Variants in FRMD3 observed in about 807,000 individuals in gnomAD.
FRMD3 encodes the protein FERM domain-containing protein 3.
A neutral mutation model predicts 70.2 loss-of-function variants in FRMD3; 33 were observed. The ratio of observed to expected loss-of-function variants is 0.47; its 90% CI spans 0.36 to 0.63. The LOEUF (loss-of-function observed/expected upper bound fraction) is 0.63. FRMD3 is among the 20% of genes least tolerant of loss of function. FRMD3 has a pLI of 0.00. For missense variants in FRMD3, 632 were observed against 711.4 expected, an observed-to-expected ratio of 0.89 and a Z score of 1.27; for synonymous variants, 279 against 255.9, an observed-to-expected ratio of 1.09 and a Z score of -0.86.
At chr9:83,389,376 T>C (rs1338317490) in intron 2 of FRMD3, among the ~76,000 whole-genome samples, 2 of 152,180 alleles carry the variant, frequency 1.3e-5, no homozygotes, top group Non-Finnish European at 2.9e-5. Context: ...TTCTCTCTTC[T>C]AAGCAGATGG....
intron 6 of FRMD3, among the ~76,000 whole-genome samples, chr9:83,327,253 A>G (rs1836056208): frequency 6.6e-6 from 1 of 152,212 alleles, no homozygotes; most frequent in African/African-American, 2.4e-5. Flanking sequence ...CTTAGATTAC[A>G]TTTTGCTGCA....
the FRMD3 span, among the ~76,000 whole-genome samples, chr9:83,574,369 A>G: frequency 1.3e-5 from 2 of 152,242 alleles, no homozygotes; most frequent in Non-Finnish European, 2.9e-5. Flanking sequence ...GCACTAGCCA[A>G]AAATACATAT....
chr9:83,246,786 T>G lies in FRMD3; in HGVS notation c.*1132A>C. ...TACCTTAAAGTTTCTCCACTTTTAT[T>G]TAGATCCACTTAAACATGTTCATGT... On this transcript the variant is annotated 3_prime_UTR_variant, in exon 14 of 14. Transcript: ENST00000304195. 1 of 985,304 alleles carries G rather than the reference T, an allele frequency of 1.0e-6. No homozygotes were observed. 61.0% of individuals were successfully genotyped at this position (985,304 alleles called of 1,614,324 possible). A position where few individuals can be genotyped will look rare whatever the true frequency, so the allele number is the denominator to read the frequency against.
the FRMD3 span, among the ~76,000 whole-genome samples, chr9:83,556,079 C>T: frequency 1.3e-5 from 2 of 152,188 alleles, no homozygotes; most frequent in African/African-American, 2.4e-5. Context: ...TATTTACTTG[C>T]CCCTTCTGTT....
At chr9:83,447,899 G>A (rs1322608533) in intron 1 of FRMD3, among the ~76,000 whole-genome samples, 1 of 152,188 alleles carries the variant, frequency 6.6e-6, no homozygotes, top group Non-Finnish European at 1.5e-5. Context: ...CCAGTTCACA[G>A]GATTGCTGTG....
intron 1 of FRMD3, among the ~76,000 whole-genome samples, chr9:83,429,809 T>G (rs1218743381): frequency 1.3e-5 from 2 of 152,178 alleles, no homozygotes; most frequent in African/African-American, 4.8e-5. Flanking sequence ...CTCTGCCATT[T>G]GTTCAGGGAT....
chr9:83,511,548 C>T (rs1475882145), intron 1 of FRMD3, among the ~76,000 whole-genome samples: 1 of 152,094 alleles, frequency 6.6e-6, no homozygotes, highest in African/African-American at 2.4e-5. Flanking sequence ...CACCAAGGTG[C>T]CATTTGGAGA....
intron 1 of FRMD3, among the ~76,000 whole-genome samples, chr9:83,473,105 A>C (rs1208488697): frequency 6.6e-6 from 1 of 152,118 alleles, no homozygotes; most frequent in African/African-American, 2.4e-5. Context: ...TCAAAGACTT[A>C]GATGTTCCCC....
At chr9:83,439,905 T>C (rs1363276073) in intron 1 of FRMD3, among the ~76,000 whole-genome samples, 1 of 152,206 alleles carries the variant, frequency 6.6e-6, no homozygotes, top group African/African-American at 2.4e-5. Context: ...AAAGACTAGA[T>C]ATAATACTAA....
At chr9:83,343,782 C>T (rs1046918825) in intron 4 of FRMD3, among the ~76,000 whole-genome samples, 2 of 152,224 alleles carry the variant, frequency 1.3e-5, no homozygotes, top group Non-Finnish European at 2.9e-5. Flanking sequence ...CATTATGAGG[C>T]CAGAAAGGCA....
At chr9:83,510,454 A>G (rs1182036825) in intron 1 of FRMD3, among the ~76,000 whole-genome samples, 2 of 152,216 alleles carry the variant, frequency 1.3e-5, no homozygotes, top group East Asian at 3.8e-4. Context: ...CAGCTGCTCT[A>G]GAAAGCAGTC....
At chr9:83,566,843 C>T in the FRMD3 span, among the ~76,000 whole-genome samples, 22 of 152,300 alleles carry the variant, frequency 1.4e-4, no homozygotes, top group African/African-American at 3.1e-4. Flanking sequence ...GCCTCCCACC[C>T]GGCTGCTCTC....
chr9:83,450,347 G>GTTTTTTTTTTTTTTTTTT (rs763340189), intron 1 of FRMD3, among the ~76,000 whole-genome samples: 1 of 111,600 alleles, frequency 9.0e-6, no homozygotes. Flanking sequence ...GTCACCCTCA[G>GTTTTTTTTTTTTTTTTTT]TTTTTTTTTT....
At chr9:83,500,837 C>T (rs926904216) in intron 1 of FRMD3, among the ~76,000 whole-genome samples, 1 of 152,192 alleles carries the variant, frequency 6.6e-6, no homozygotes, top group Admixed American at 6.5e-5. Flanking sequence ...AGCTTCTCTG[C>T]AGCATTTTCT....
chr9:83,333,760 A>G (rs992616520), intron 6 of FRMD3, among the ~76,000 whole-genome samples: 1 of 152,102 alleles, frequency 6.6e-6, no homozygotes, highest in Non-Finnish European at 1.5e-5. Flanking sequence ...ACGCTCAACA[A>G]AGGGAGAAGA....
intron 1 of FRMD3, among the ~76,000 whole-genome samples, chr9:83,423,751 C>T (rs908199850): frequency 1.3e-5 from 2 of 151,924 alleles, no homozygotes; most frequent in African/African-American, 4.8e-5. Context: ...CTTGTGTCAC[C>T]ATGCCCAACT....
At chr9:83,427,924 G>C (rs991336573) in intron 1 of FRMD3, among the ~76,000 whole-genome samples, 3 of 152,142 alleles carry the variant, frequency 2.0e-5, no homozygotes, top group Non-Finnish European at 4.4e-5. Context: ...AGAGAAACTG[G>C]ACAGCGTCCT....
chr9:83,510,624 C>T (rs776329940), intron 1 of FRMD3, among the ~76,000 whole-genome samples: 2 of 152,198 alleles, frequency 1.3e-5, no homozygotes, highest in African/African-American at 2.4e-5. Context: ...AAATGTCCAT[C>T]GACCAGTGAA....
intron 1 of FRMD3, among the ~76,000 whole-genome samples, chr9:83,510,426 G>A (rs553161985): frequency 7.9e-5 from 12 of 152,268 alleles, no homozygotes; most frequent in East Asian, 1.9e-4. Context: ...CATGGCTGGC[G>A]GGTAAGGTAA....
Sources: allele counts gnomAD v4.1 joint callset (sites outside exome capture counted in the v4.1 genomes callset), GRCh38; gene constraint gnomAD v4.1.1; transcripts MANE v1.5; gene names NCBI Gene and HGNC (gene_info 2026-07-23, HGNC 2026-07-21).